FLAD1: variants seen among roughly 807,000 people sequenced by gnomAD.
The protein encoded by FLAD1 is bifunctional FAD diphosphatase/FAD synthase.
In FLAD1, 35 loss-of-function variants were observed where a neutral mutation model predicts 55.0. The observed-to-expected ratio is 0.64, with a 90% CI of 0.49 to 0.84. FLAD1 has a LOEUF of 0.84. FLAD1 is among the 40% of genes least tolerant of loss of function. FLAD1 has a pLI of 0.00. For synonymous variants in FLAD1, 267 were observed against 303.0 expected (o/e 0.88, Z 1.23); for missense variants, 665 against 742.6 (o/e 0.90, Z 1.21).
intron 5 of FLAD1, chr1:154,992,456 A>G (rs1657921688): frequency 2.0e-6 from 2 of 977,946 alleles, no homozygotes; most frequent in Non-Finnish European, 3.0e-6. Flanking sequence ...AAAAAAATAG[A>G]CGGTTTCTCC....
chr1:154,984,058 A>C lies in FLAD1; in HGVS notation c.364A>C (p.Ile122Leu). ...TGGCATCATCATTGTTGGAGATGAG[A>C]TCCTTAAGGTGTGTCTGGGACAGAA... Reference protein sequence around the residue: ...TAGIIIVGDEILKGHTQDTNT... With the variant: ...TAGIIIVGDELLKGHTQDTNT... The change falls in exon 1 of 7, where the codon ATC (isoleucine) becomes CTC (leucine). Residue 122 changes from isoleucine to leucine, a missense_variant. Coordinates refer to ENST00000292180, the MANE Select transcript of FLAD1 (RefSeq NM_025207.5). 1 of 1,509,252 alleles carries C rather than the reference A, an allele frequency of 6.6e-7. No homozygotes were observed. Among genetic ancestry groups the C allele is most frequent in the African/African-American group, 1.4e-5 (1 of 71,604 alleles). The allele number at this position is 1,509,252 out of a possible 1,614,324, so 93.5% of individuals were successfully genotyped here.
At chr1:154,987,987 A>G in intron 1 of FLAD1, 118 bp from the exon 2 acceptor site, 1 of 1,573,992 alleles carries the variant, frequency 6.4e-7, no homozygotes, top group Non-Finnish European at 8.6e-7. Context: ...CAGCAGCCTG[A>G]GGTGGTGTCC....
intron 5 of FLAD1, among the ~76,000 whole-genome samples, chr1:154,991,788 G>T (rs1001918307): frequency 6.6e-6 from 1 of 151,970 alleles, no homozygotes; most frequent in African/African-American, 2.4e-5. Flanking sequence ...GGAAGTCGAG[G>T]CTGTAGTGAG....
At chr1:154,985,105 T>A (rs1218802520) in intron 1 of FLAD1, among the ~76,000 whole-genome samples, 1 of 133,262 alleles carries the variant, frequency 7.5e-6, no homozygotes, top group Non-Finnish European at 1.6e-5. Context: ...GGTCTCAAAC[T>A]CCTGGGCTCA....
chr1:154,992,872 C>T (rs762298930), intron 6 of FLAD1, 30 bp from the exon 7 acceptor site: 1 of 1,613,978 alleles, frequency 6.2e-7, no homozygotes, highest in Non-Finnish European at 8.5e-7. Flanking sequence ...CACCCTACCA[C>T]ATGCTTGCCC....
chr1:154,990,188 A>C lies in FLAD1; in HGVS notation c.1295A>C (p.Gln432Pro). Residue 432 changes from glutamine (Q) to proline (P), a missense_variant, in exon 4 of 7, where the codon CAG becomes CCG. Physicochemically the swap from Gln to Pro is moderately conservative, Grantham distance 76. Transcript: ENST00000292180. ...TTACCTGATGTTCCAAACCCCCTCC[A>C]GATCCTGTATATCCGCAGCATCTCC... ...RKLPDVPNPLQILYIRSISPF... is the reference protein window; with the variant it reads ...RKLPDVPNPLPILYIRSISPF... 1 of 1,614,106 alleles carries C rather than the reference A, an allele frequency of 6.2e-7. No individual in the cohort carries two copies. The highest frequency in any genetic ancestry group is 8.5e-7 in the Non-Finnish European group (1 of 1,179,964).
intron 1 of FLAD1, among the ~76,000 whole-genome samples, chr1:154,985,286 T>C (rs1052562294): frequency 2.0e-5 from 3 of 149,364 alleles, no homozygotes; most frequent in Non-Finnish European, 3.0e-5. Flanking sequence ...CTGGAGTGCA[T>C]TGGTGGGATC....
chr1:154,983,898 C>T lies in FLAD1; in HGVS notation c.204C>T (p.Asp68=). Residue 68 remains aspartate (D), a synonymous_variant, in exon 1 of 7, where the codon GAC becomes GAT. Coordinates refer to ENST00000292180, the MANE Select transcript of FLAD1 (RefSeq NM_025207.5). ...FPGYGPQCPV[D]LAGPPCLRPL... is the part of the protein sequence containing the mutation. Reference sequence around the variant, plus strand: ...GCTATGGCCCCCAGTGCCCTGTAGACCTGGCAGGCCCCCCGTGCTTGCGAC... The same window carrying T: ...GCTATGGCCCCCAGTGCCCTGTAGATCTGGCAGGCCCCCCGTGCTTGCGAC... 1.9e-6 allele frequency: 3 copies of T among 1,612,878 alleles called. No individual in the cohort carries two copies. The highest frequency in any genetic ancestry group is 2.5e-6 in the Non-Finnish European group (3 of 1,179,294).
At chr1:154,992,837 G>C (rs1280736159) in intron 6 of FLAD1, 51 bp downstream of exon 6, 4 of 1,613,986 alleles carry the variant, frequency 2.5e-6, no homozygotes, top group East Asian at 2.2e-5. Flanking sequence ...AGGGTGCTGG[G>C]ATAGGGAGGG....
chr1:154,983,996 G>C lies in FLAD1; in HGVS notation c.302G>C (p.Arg101Thr). The change falls in exon 1 of 7, where the codon AGG (arginine) becomes ACG (threonine). Residue 101 changes from arginine to threonine, a missense_variant. Physicochemically the swap from Arg to Thr is moderately conservative, Grantham distance 71 (BLOSUM62 -1). Coordinates refer to ENST00000292180, the MANE Select transcript of FLAD1 (RefSeq NM_025207.5). ...AGAGAAGGCAGGACCATGACATCTAGGGCCTCTGAACTTTCTCCGGGGCGC... is the reference window on the plus strand; with the variant it reads ...AGAGAAGGCAGGACCATGACATCTACGGCCTCTGAACTTTCTCCGGGGCGC... The part of the protein sequence containing the change: ...RGREGRTMTS[R>T]ASELSPGRSV... The C allele has an allele frequency of 3.3e-6, 5 of 1,527,886 alleles. No individual in the cohort carries two copies. The highest frequency in any genetic ancestry group is 3.5e-6 in the Non-Finnish European group (4 of 1,138,604). 94.6% of individuals were successfully genotyped at this position (1,527,886 alleles called of 1,614,324 possible).
chr1:154,985,686 C>T (rs4845697), intron 1 of FLAD1, among the ~76,000 whole-genome samples: 1 of 144,012 alleles, frequency 6.9e-6, no homozygotes, highest in African/African-American at 2.6e-5. Flanking sequence ...GGATTACAGG[C>T]GTGAGCCACC....
At chr1:154,986,163 C>G (rs1010110217) in intron 1 of FLAD1, among the ~76,000 whole-genome samples, 1 of 152,016 alleles carries the variant, frequency 6.6e-6, no homozygotes, top group Admixed American at 6.6e-5. Context: ...CTCAGTCTCC[C>G]GAGTAGCTGA....
Position 154,984,042 on chromosome 1 carries a change from C to G in FLAD1, c.348C>G (p.Ile116Met). 6.6e-7 allele frequency: 1 copy of G among 1,512,246 alleles called. No individual in the cohort carries two copies. The highest frequency in any genetic ancestry group is 8.8e-7 in the Non-Finnish European group (1 of 1,130,188). The allele number at this position is 1,512,246 out of a possible 1,614,324, so 93.7% of individuals were successfully genotyped here. A position where few individuals can be genotyped will look rare whatever the true frequency, so the allele number is the denominator to read the frequency against. The change falls in exon 1 of 7, where the codon ATC becomes ATG. Residue 116 changes from isoleucine to methionine, a missense_variant. Transcript: ENST00000292180. Reference protein sequence around the residue: ...SPGRSVTAGIIIVGDEILKGH... With the variant: ...SPGRSVTAGIMIVGDEILKGH... ...GGCGCAGCGTGACGGCTGGCATCAT[C>G]ATTGTTGGAGATGAGATCCTTAAGG...
intron 3 of FLAD1, 89 bp from the exon 4 acceptor site, chr1:154,990,070 C>G: frequency 9.3e-7 from 1 of 1,076,760 alleles, no homozygotes; most frequent in Non-Finnish European, 1.4e-6. Context: ...GAGAGTCTGT[C>G]CTAGGGGCCA....
Position 154,992,713 on chromosome 1 carries a change from G to A in FLAD1, c.1555G>A (p.Asp519Asn). The change falls in exon 6 of 7, where the codon GAC (aspartate) becomes AAC (asparagine). Residue 519 changes from aspartate to asparagine, a missense_variant and splice_region_variant. By Grantham distance (23) the Asp-to-Asn change is conservative (BLOSUM62 1). Transcript: ENST00000292180. ...CTATTCTATTACTCTGACCTCCCAG[G>A]ACTGGACCTACAGAGACATCTGGGA... ...PAFMRINPLL[D>N]WTYRDIWDFL... 4 of 1,614,156 alleles carry A rather than the reference G, an allele frequency of 2.5e-6. No homozygotes were observed. The highest frequency in any genetic ancestry group is 3.4e-6 in the Non-Finnish European group (4 of 1,180,024).
At chr1:154,985,417 T>A (rs563464950) in intron 1 of FLAD1, among the ~76,000 whole-genome samples, 2 of 150,064 alleles carry the variant, frequency 1.3e-5, no homozygotes, top group Non-Finnish European at 3.0e-5. Context: ...TTTTTTTTTT[T>A]AGACAGAGTC....
chr1:154,991,608 ACCAC>A (rs1657872647), intron 5 of FLAD1, among the ~76,000 whole-genome samples: 1 of 152,140 alleles, frequency 6.6e-6, no homozygotes, highest in African/African-American at 2.4e-5. Flanking sequence ...ATTTCAAATG[ACCAC>A]CATATTAGAC....
chr1:154,987,202 A>AT (rs1657654791), intron 1 of FLAD1, among the ~76,000 whole-genome samples: 1 of 151,474 alleles, frequency 6.6e-6, no homozygotes, highest in East Asian at 1.9e-4. Flanking sequence ...TAATTTTTGT[A>AT]TTTTTTTGTA....
intron 1 of FLAD1, among the ~76,000 whole-genome samples, chr1:154,985,031 A>ATTTTTTTTTTTTTTT (rs749772991): frequency 6.1e-5 from 2 of 32,552 alleles, no homozygotes; most frequent in Non-Finnish European, 1.1e-4. Flanking sequence ...CACCTGGCTA[A>ATTTTTTTTTTTTTTT]TTTTTTTTTT....
Sources: allele counts gnomAD v4.1 joint callset (sites outside exome capture counted in the v4.1 genomes callset), GRCh38; gene constraint gnomAD v4.1.1; transcripts MANE v1.5; gene names NCBI Gene and HGNC (gene_info 2026-07-23, HGNC 2026-07-21).